The following SLFN5 variants were observed in gnomAD, a reference collection of about 807,000 sequenced individuals.
SLFN5 encodes schlafen family member 5.
Under a neutral mutation model 48.5 loss-of-function variants are expected in SLFN5, and 34 were observed. The observed-to-expected ratio is 0.70, with a 90% CI of 0.53 to 0.93. The LOEUF is 0.93. Among genes scored for constraint, SLFN5 ranks in the 40% least tolerant of loss-of-function variants. The probability of loss-of-function intolerance (pLI) is 0.00; values close to 1 mark genes in which losing one functional copy is unlikely to be tolerated. For missense variants in SLFN5, 1,006 were observed against 1,071.3 expected (o/e 0.94, Z 0.85); for synonymous variants, 387 against 396.2 (o/e 0.98, Z 0.28).
chr17:35,262,465 T>C (rs1052531099), intron 3 of SLFN5, among the ~76,000 whole-genome samples: 1 of 152,088 alleles, frequency 6.6e-6, no homozygotes, highest in Non-Finnish European at 1.5e-5. Flanking sequence ...ATTGCCAGAT[T>C]GTAAGCTAAA....
Position 35,272,386 on chromosome 17 carries a change from C to A in SLFN5, c.*6498C>A, listed in dbSNP as rs900571769. The A allele has an allele frequency of 6.6e-6, 1 of 151,778 alleles. No individual in the cohort carries two copies. Among genetic ancestry groups the A allele is most frequent in the Non-Finnish European group, 1.5e-5 (1 of 67,954 alleles). 9.4% of individuals were successfully genotyped at this position (151,778 alleles called of 1,614,324 possible). A position where few individuals can be genotyped will look rare whatever the true frequency, so the allele number is the denominator to read the frequency against. On this transcript the variant is annotated 3_prime_UTR_variant, in exon 5 of 5. Coordinates refer to ENST00000299977, the MANE Select transcript of SLFN5 (RefSeq NM_144975.4). ...CTTGGGCCATATGCCAGACTAGATACCAAAATAAATTCCAGGAGGACCAAG... is the reference window on the plus strand; with the variant it reads ...CTTGGGCCATATGCCAGACTAGATAACAAAATAAATTCCAGGAGGACCAAG...
intron 1 of SLFN5, among the ~76,000 whole-genome samples, chr17:35,249,203 G>C (rs1187897319): frequency 1.3e-5 from 2 of 152,138 alleles, no homozygotes; most frequent in Non-Finnish European, 2.9e-5. Flanking sequence ...AATTGGAATG[G>C]AAAACAACCC....
intron 1 of SLFN5, among the ~76,000 whole-genome samples, chr17:35,243,559 A>G (rs546102762): frequency 1.3e-5 from 2 of 152,366 alleles, no homozygotes; most frequent in African/African-American, 4.8e-5. Flanking sequence ...GCCAATGTCC[A>G]GTCTATTACA....
intron 3 of SLFN5, among the ~76,000 whole-genome samples, chr17:35,262,629 G>A (rs956074264): frequency 1.3e-5 from 2 of 152,116 alleles, no homozygotes. Flanking sequence ...TTAGGAGACC[G>A]AGGTGGGAGG....
intron 2 of SLFN5, 97 bp from the exon 3 acceptor site, chr17:35,260,874 G>C: frequency 1.4e-6 from 2 of 1,452,480 alleles, no homozygotes; most frequent in Non-Finnish European, 1.8e-6. Context: ...GCCGTGGCTT[G>C]AGTTGTAAGA....
At position 35,259,297 on chromosome 17, in the gene SLFN5, G is replaced by C. The variant is rs1904446063; in HGVS notation, c.607G>C (p.Asp203His). 6.2e-7 allele frequency: 1 copy of C among 1,614,062 alleles called. No individual in the cohort carries two copies. The highest frequency in any genetic ancestry group is 1.7e-5 in the Admixed American group (1 of 60,012). The part of the protein sequence containing the change: ...THVEFVMFST[D>H]VSHCVKDRLP... ...TGTTGAATTTGTAATGTTCTCGACA[G>C]ACGTGTCACACTGTGTTAAAGACAG... The change falls in exon 2 of 5, where the codon GAC becomes CAC. Residue 203 changes from aspartate to histidine, a missense_variant. By Grantham distance (81) the Asp-to-His change is moderately conservative (BLOSUM62 -1). Transcript: ENST00000299977.
At chr17:35,263,543 C>T (rs552306408) in intron 3 of SLFN5, among the ~76,000 whole-genome samples, 2 of 152,178 alleles carry the variant, frequency 1.3e-5, no homozygotes, top group African/African-American at 4.8e-5. Flanking sequence ...CAGCTCAGGG[C>T]TGGGTGCGGT....
At chr17:35,253,302 T>C (rs923560137) in intron 1 of SLFN5, among the ~76,000 whole-genome samples, 10 of 152,020 alleles carry the variant, frequency 6.6e-5, no homozygotes, top group Middle Eastern at 3.4e-3. Flanking sequence ...CTTTAGGGAG[T>C]TGCAAACATT....
At position 35,266,939 on chromosome 17, in the gene SLFN5, A is replaced by T. The variant is rs1416575217; in HGVS notation, c.*1051A>T. Reference sequence around the variant, plus strand: ...TTTTCTGAGAGACAGAAACTAAAAAATTCAGAGTTAATTCACTATTAAAAA... The same window carrying T: ...TTTTCTGAGAGACAGAAACTAAAAATTTCAGAGTTAATTCACTATTAAAAA... On this transcript the variant is annotated 3_prime_UTR_variant, in exon 5 of 5. Transcript: ENST00000299977. The T allele has an allele frequency of 6.6e-6, 1 of 152,250 alleles. No individual in the cohort carries two copies. Among genetic ancestry groups the T allele is most frequent in the African/African-American group, 2.4e-5 (1 of 41,460 alleles). The allele number at this position is 152,250 out of a possible 1,614,324, so 9.4% of individuals were successfully genotyped here.
Position 35,266,702 on chromosome 17 carries a change from G to A in SLFN5, c.*814G>A, listed in dbSNP as rs1321708897. 6.6e-6 allele frequency: 1 copy of A among 152,072 alleles called. No individual in the cohort carries two copies. Among genetic ancestry groups the A allele is most frequent in the Non-Finnish European group, 1.5e-5 (1 of 68,016 alleles). 9.4% of individuals were successfully genotyped at this position (152,072 alleles called of 1,614,324 possible). A position where few individuals can be genotyped will look rare whatever the true frequency, so the allele number is the denominator to read the frequency against. On this transcript the variant is annotated 3_prime_UTR_variant, in exon 5 of 5. Transcript: ENST00000299977. ...ATTTGAAGATGATAGAGAGCCTAGGGGGATGAGTCTATTGGACTCAAAGGT... is the reference window on the plus strand; with the variant it reads ...ATTTGAAGATGATAGAGAGCCTAGGAGGATGAGTCTATTGGACTCAAAGGT...
chr17:35,259,647 T>G lies in SLFN5; in HGVS notation c.957T>G (p.Arg319=), dbSNP rs770383486. Residue 319 remains arginine (R), a synonymous_variant, in exon 2 of 5, where the codon CGT becomes CGG. Transcript: ENST00000299977. Reference sequence around the variant, plus strand: ...GTTCCTGGCAGGTGAAGGACAACCGTGTGAGACAATTGCCCACAAGAGAAT... The same window carrying G: ...GTTCCTGGCAGGTGAAGGACAACCGGGTGAGACAATTGCCCACAAGAGAAT... ...VPSSWQVKDN[R]VRQLPTREWT... The G allele has an allele frequency of 5.0e-6, 8 of 1,602,662 alleles. No individual in the cohort carries two copies. Among genetic ancestry groups the G allele is most frequent in the Non-Finnish European group, 6.8e-6 (8 of 1,179,872 alleles).
At chr17:35,248,203 C>T (rs1310937334) in intron 1 of SLFN5, among the ~76,000 whole-genome samples, 1 of 152,142 alleles carries the variant, frequency 6.6e-6, no homozygotes, top group African/African-American at 2.4e-5. Flanking sequence ...TGGGCCTTTA[C>T]TGGCTATTTT....
In SLFN5 at chr17:35,266,048, G is replaced by A; in HGVS notation, c.*160G>A. 1.4e-6 allele frequency: 1 copy of A among 720,672 alleles called. No homozygotes were observed. Among genetic ancestry groups the A allele is most frequent in the Non-Finnish European group, 2.2e-6 (1 of 458,646 alleles). 44.6% of individuals were successfully genotyped at this position (720,672 alleles called of 1,614,324 possible). A position where few individuals can be genotyped will look rare whatever the true frequency, so the allele number is the denominator to read the frequency against. On this transcript the variant is annotated 3_prime_UTR_variant, in exon 5 of 5. Coordinates refer to ENST00000299977, the MANE Select transcript of SLFN5 (RefSeq NM_144975.4). ...AATCGATGTAAGATTCCTCCTTTAGGGCAGAGACAGACCACTGACAAATAC... is the reference window on the plus strand; with the variant it reads ...AATCGATGTAAGATTCCTCCTTTAGAGCAGAGACAGACCACTGACAAATAC...
rs773725230 is a variant in SLFN5 at position 35,264,314 on chromosome 17, AGCTGG to A, written c.1275_1279del (p.Trp425CysfsTer14). 6.2e-7 allele frequency: 1 copy of A among 1,614,186 alleles called. No homozygotes were observed. Among genetic ancestry groups the A allele is most frequent in the South Asian group, 1.1e-5 (1 of 91,080 alleles). On this transcript the variant is annotated frameshift_variant, in exon 4 of 5. Coordinates refer to ENST00000299977, the MANE Select transcript of SLFN5 (RefSeq NM_144975.4). LOFTEE classifies it high-confidence loss of function. ...TCAAGGAATATTGATTTTTTCTCAA[AGCTGG>A]GCTGTGGATTTAGGTCTGCAAGAGA...
intron 1 of SLFN5, among the ~76,000 whole-genome samples, chr17:35,253,968 G>T (rs982169857): frequency 6.0e-5 from 9 of 151,212 alleles, no homozygotes; most frequent in Admixed American, 5.9e-4. Flanking sequence ...AAAGTGCTGG[G>T]ATTACAAGCA....
intron 1 of SLFN5, among the ~76,000 whole-genome samples, chr17:35,253,313 C>T (rs1469587624): frequency 6.6e-6 from 1 of 152,106 alleles, no homozygotes; most frequent in African/African-American, 2.4e-5. Context: ...TGCAAACATT[C>T]AGACCATAAA....
rs958552817 is a variant in SLFN5 at position 35,269,966 on chromosome 17, A to G, written c.*4078A>G. ...ATGCTTTTTGTAATTTAGTCATTTT[A>G]ATATTAGATAAATCTTCCTGTAACT... is the stretch of plus-strand genomic sequence containing the variant. On this transcript the variant is annotated 3_prime_UTR_variant, in exon 5 of 5. Transcript: ENST00000299977. The G allele has an allele frequency of 3.9e-5, 6 of 152,222 alleles. No individual in the cohort carries two copies. Among genetic ancestry groups the G allele is most frequent in the African/African-American group, 1.4e-4 (6 of 41,456 alleles). The allele number at this position is 152,222 out of a possible 1,614,324, so 9.4% of individuals were successfully genotyped here.
At chr17:35,263,334 T>C (rs1904575448) in intron 3 of SLFN5, among the ~76,000 whole-genome samples, 1 of 151,422 alleles carries the variant, frequency 6.6e-6, no homozygotes, top group South Asian at 2.1e-4. Flanking sequence ...TTTCACCATG[T>C]TGGCCAGGCT....
chr17:35,246,740 A>C (rs2092431550), intron 1 of SLFN5, among the ~76,000 whole-genome samples: 1 of 152,010 alleles, frequency 6.6e-6, no homozygotes. Flanking sequence ...CTGTAATCCC[A>C]GCTACTAGAG....
Sources: gnomAD v4.1 joint callset for allele counts (sites outside exome capture counted in the v4.1 genomes callset) on GRCh38, gnomAD v4.1.1 for gene constraint, MANE v1.5 for transcripts, NCBI Gene and HGNC (gene_info 2026-07-23, HGNC 2026-07-21) for gene names.